The following LUZP2 variants were observed in gnomAD, a reference collection of about 807,000 sequenced individuals.
LUZP2 encodes the protein leucine zipper protein 2.
LUZP2 carries 52 observed loss-of-function variants against 51.6 expected under a neutral mutation model. That is an observed-to-expected ratio of 1.01 (90% CI 0.81 to 1.27). The LOEUF is 1.27. Ranked by LOEUF, LUZP2 falls within the 50% of genes most tolerant of loss-of-function variation. The probability of loss-of-function intolerance (pLI) is 0.00; values close to 1 mark genes in which losing one functional copy is unlikely to be tolerated. For synonymous variants in LUZP2, 154 were observed against 137.3 expected (o/e 1.12, Z -0.85); for missense variants, 436 against 395.4 (o/e 1.10, Z -0.87).
At chr11:24,954,845 G>T (rs1005195121) in intron 7 of LUZP2, among the ~76,000 whole-genome samples, 1 of 152,040 alleles carries the variant, frequency 6.6e-6, no homozygotes, top group African/African-American at 2.4e-5. Flanking sequence ...ACGCTAAAAT[G>T]ATATTCGTAG....
chr11:24,581,670 AAAATAT>A (rs11267210), intron 1 of LUZP2, among the ~76,000 whole-genome samples: 12,459 of 136,874 alleles, frequency 0.091, 607 homozygotes, highest in South Asian at 0.15. Flanking sequence ...GACTCTGTCT[AAAATAT>A]AAATATAAAT....
At chr11:24,989,960 C>A (rs1856290269) in intron 9 of LUZP2, among the ~76,000 whole-genome samples, 2 of 152,076 alleles carry the variant, frequency 1.3e-5, no homozygotes, top group African/African-American at 2.4e-5. Flanking sequence ...AATCACTGGG[C>A]ACCTAAATTG....
chr11:24,854,777 C>G (rs1851504872), intron 5 of LUZP2, among the ~76,000 whole-genome samples: 1 of 152,142 alleles, frequency 6.6e-6, no homozygotes, highest in Non-Finnish European at 1.5e-5. Context: ...CTGAGGGAAT[C>G]TCCGGGTCTG....
intron 5 of LUZP2, among the ~76,000 whole-genome samples, chr11:24,817,506 G>T (rs1850222118): frequency 6.6e-6 from 1 of 152,148 alleles, no homozygotes; most frequent in East Asian, 1.9e-4. Context: ...GAATGAGAGA[G>T]TTGGAATCTG....
intron 9 of LUZP2, among the ~76,000 whole-genome samples, chr11:24,997,304 C>T (rs376377428): frequency 4.5e-4 from 68 of 152,144 alleles, no homozygotes; most frequent in Admixed American, 1.5e-3. Context: ...TTTTAATGAT[C>T]GCCATTCTAA....
chr11:24,523,739 G>T (rs1003611091), intron 1 of LUZP2, among the ~76,000 whole-genome samples: 2 of 151,402 alleles, frequency 1.3e-5, no homozygotes, highest in African/African-American at 4.8e-5. Context: ...AAGACTCAAT[G>T]ATCTTGGCTT....
chr11:25,020,284 C>CT (rs1283215003), intron 9 of LUZP2, among the ~76,000 whole-genome samples: 3 of 151,982 alleles, frequency 2.0e-5, no homozygotes, highest in Non-Finnish European at 4.4e-5. Flanking sequence ...TGCTAGACCT[C>CT]TTTTTTTAAT....
chr11:24,801,360 C>A (rs546127439), intron 5 of LUZP2, among the ~76,000 whole-genome samples: 18 of 152,144 alleles, frequency 1.2e-4, no homozygotes, highest in African/African-American at 4.3e-4. Context: ...TTCAGGTTTT[C>A]CAGTGGTCAC....
chr11:24,537,579 T>C (rs922041397), intron 1 of LUZP2, among the ~76,000 whole-genome samples: 1 of 151,936 alleles, frequency 6.6e-6, no homozygotes, highest in African/African-American at 2.4e-5. Context: ...AAGGTTCTTT[T>C]ATTTTGTAGA....
intron 5 of LUZP2, among the ~76,000 whole-genome samples, chr11:24,847,695 T>C (rs1445163329): frequency 6.6e-6 from 1 of 152,142 alleles, no homozygotes. Flanking sequence ...TAGCATTCGT[T>C]GATGAATATT....
chr11:24,623,102 C>T (rs975116642), intron 1 of LUZP2, among the ~76,000 whole-genome samples: 2 of 152,050 alleles, frequency 1.3e-5, no homozygotes, highest in Non-Finnish European at 2.9e-5. Flanking sequence ...AAAGGACACA[C>T]ACACACATAC....
chr11:24,547,629 A>C (rs1236019147), intron 1 of LUZP2, among the ~76,000 whole-genome samples: 1 of 152,054 alleles, frequency 6.6e-6, no homozygotes, highest in Non-Finnish European at 1.5e-5. Context: ...CCCTAGAAGA[A>C]AACATAGGAA....
intron 7 of LUZP2, among the ~76,000 whole-genome samples, chr11:24,973,889 A>G (rs575530148): frequency 1.3e-5 from 2 of 152,078 alleles, no homozygotes; most frequent in South Asian, 2.1e-4. Flanking sequence ...CCATACAGCA[A>G]TGAGAACAAT....
At chr11:24,936,749 A>G (rs768394369) in intron 7 of LUZP2, among the ~76,000 whole-genome samples, 2 of 152,128 alleles carry the variant, frequency 1.3e-5, no homozygotes, top group Non-Finnish European at 2.9e-5. Flanking sequence ...TGAGTGGGCA[A>G]TGAAATCATT....
chr11:24,949,679 T>C (rs1246310831), intron 7 of LUZP2, among the ~76,000 whole-genome samples: 1 of 151,538 alleles, frequency 6.6e-6, no homozygotes, highest in Non-Finnish European at 1.5e-5. Flanking sequence ...ATTTTATACA[T>C]GGATATTTCG....
chr11:24,524,149 T>G (rs1434830249), intron 1 of LUZP2, among the ~76,000 whole-genome samples: 1 of 151,850 alleles, frequency 6.6e-6, no homozygotes, highest in Non-Finnish European at 1.5e-5. Flanking sequence ...CATTTTCTAT[T>G]AGATGACAAA....
intron 7 of LUZP2, among the ~76,000 whole-genome samples, chr11:24,937,595 C>A (rs932873559): frequency 6.6e-6 from 1 of 152,124 alleles, no homozygotes; most frequent in Non-Finnish European, 1.5e-5. Flanking sequence ...TGGTCTTAGT[C>A]TCATTCAAGA....
intron 1 of LUZP2, among the ~76,000 whole-genome samples, chr11:24,623,832 G>A (rs1220085214): frequency 6.6e-6 from 1 of 152,118 alleles, no homozygotes; most frequent in African/African-American, 2.4e-5. Flanking sequence ...GGGCGACAGA[G>A]TGAGACCCCA....
Position 24,659,009 on chromosome 11 carries a change from G to A in LUZP2, c.63-70160G>A, listed in dbSNP as rs1397478193. ...TAGTTCAACCATTGTGGAAGTCAGT[G>A]TGGTGATTCCTCAGGGATCTAGAAC... On this transcript the variant is annotated intron_variant, in intron 1 of 11. Coordinates refer to ENST00000336930, the MANE Select transcript of LUZP2 (RefSeq NM_001009909.4). Among the ~76,000 whole-genome samples, 4 of 151,428 alleles carry A rather than the reference G, an allele frequency of 2.6e-5. No individual in the cohort carries two copies. The East Asian group carries it at 7.7e-4, about 29-fold the overall frequency.
Sources: allele counts gnomAD v4.1 joint callset (sites outside exome capture counted in the v4.1 genomes callset), GRCh38; gene constraint gnomAD v4.1.1; transcripts MANE v1.5; gene names NCBI Gene and HGNC (gene_info 2026-07-23, HGNC 2026-07-21).